NRBF2: variants seen among roughly 807,000 people sequenced by gnomAD.
The protein encoded by NRBF2 is nuclear receptor-binding factor 2.
Under a neutral mutation model 28.5 loss-of-function variants are expected in NRBF2, and 12 were observed. The observed-to-expected ratio is 0.42, with a 90% CI of 0.27 to 0.68. The LOEUF is 0.68. Among genes scored for constraint, NRBF2 ranks in the 30% least tolerant of loss-of-function variants. The pLI is 0.24. For synonymous variants in NRBF2, 102 were observed against 116.5 expected (o/e 0.88, Z 0.80); for missense variants, 274 against 333.5 (o/e 0.82, Z 1.39).
chr10:63,146,410 C>T (rs992928173), intron 2 of NRBF2, 117 bp downstream of exon 2: 3 of 636,174 alleles, frequency 4.7e-6, no homozygotes, highest in Non-Finnish European at 8.0e-6. Flanking sequence ...AGAATATCAG[C>T]TTTGATTATT....
intron 1 of NRBF2, among the ~76,000 whole-genome samples, chr10:63,141,700 CTG>C (rs1589017714): frequency 6.6e-6 from 1 of 152,142 alleles, no homozygotes; most frequent in East Asian, 1.9e-4. Context: ...GATGAGAAAA[CTG>C]AGGCAGATAA....
intron 1 of NRBF2, among the ~76,000 whole-genome samples, chr10:63,139,851 G>A (rs968713357): frequency 3.9e-5 from 6 of 152,118 alleles, no homozygotes; most frequent in African/African-American, 1.2e-4. Flanking sequence ...ATACAACAAT[G>A]TGGGCCTGGT....
intron 2 of NRBF2, among the ~76,000 whole-genome samples, chr10:63,147,611 CT>C (rs56136949): frequency 0.038 from 5,097 of 134,064 alleles, 254 homozygotes; most frequent in East Asian, 0.27. Context: ...TGCTCTCAGC[CT>C]TTTTTTTTTT....
At chr10:63,135,478 A>G (rs1422809852) in intron 1 of NRBF2, among the ~76,000 whole-genome samples, 1 of 152,160 alleles carries the variant, frequency 6.6e-6, no homozygotes, top group Non-Finnish European at 1.5e-5. Flanking sequence ...GAACTGCAGA[A>G]TCACTACCAG....
At chr10:63,148,319 G>C (rs958710206) in intron 2 of NRBF2, among the ~76,000 whole-genome samples, 1 of 152,204 alleles carries the variant, frequency 6.6e-6, no homozygotes, top group Non-Finnish European at 1.5e-5. Context: ...AAATCCCACT[G>C]AGTTGATTGG....
intron 3 of NRBF2, 121 bp downstream of exon 3, chr10:63,152,311 A>G (rs1457344248): frequency 1.4e-6 from 1 of 700,446 alleles, no homozygotes; most frequent in Non-Finnish European, 2.4e-6. Flanking sequence ...AATATATAAA[A>G]TGGGCAAGGG....
At chr10:63,152,663 T>C (rs1171761067) in intron 3 of NRBF2, among the ~76,000 whole-genome samples, 1 of 152,222 alleles carries the variant, frequency 6.6e-6, no homozygotes, top group African/African-American at 2.4e-5. Flanking sequence ...TTAAATTGTC[T>C]TCTGTGTTTG....
Position 63,133,426 on chromosome 10 carries a change from G to C in NRBF2, c.-45G>C, listed in dbSNP as rs755582735. 9.3e-6 allele frequency: 15 copies of C among 1,609,814 alleles called. No individual in the cohort carries two copies. Among genetic ancestry groups the C allele is most frequent in the Non-Finnish European group, 1.3e-5 (15 of 1,178,024 alleles). ...CTTGCAGTCCCCTCCATGTTCCCCGGCGCCACTACTCCCCTTCCTAAGGCC... is the reference window on the plus strand; with the variant it reads ...CTTGCAGTCCCCTCCATGTTCCCCGCCGCCACTACTCCCCTTCCTAAGGCC... On this transcript the variant is annotated 5_prime_UTR_variant, in exon 1 of 4. Coordinates refer to ENST00000277746, the MANE Select transcript of NRBF2 (RefSeq NM_030759.5).
chr10:63,137,868 A>G (rs908136304), intron 1 of NRBF2, among the ~76,000 whole-genome samples: 8 of 152,234 alleles, frequency 5.3e-5, no homozygotes, highest in Non-Finnish European at 1.0e-4. Flanking sequence ...AAAAGGAGGT[A>G]GAGAGTACTA....
intron 1 of NRBF2, among the ~76,000 whole-genome samples, chr10:63,145,365 C>T (rs554866694): frequency 3.1e-4 from 47 of 152,116 alleles, no homozygotes; most frequent in African/African-American, 1.0e-3. Flanking sequence ...TGAGCCACTG[C>T]GCCCAGCTAA....
intron 1 of NRBF2, among the ~76,000 whole-genome samples, chr10:63,140,251 G>T (rs1841442962): frequency 6.6e-6 from 1 of 152,186 alleles, no homozygotes; most frequent in Admixed American, 6.5e-5. Context: ...TGTCAGAAAT[G>T]ATGGGCAACC....
chr10:63,143,232 C>T (rs1432367961), intron 1 of NRBF2, among the ~76,000 whole-genome samples: 2 of 152,084 alleles, frequency 1.3e-5, no homozygotes, highest in African/African-American at 4.8e-5. Context: ...TTCTTTCCTA[C>T]AAAAATAGAA....
At chr10:63,134,100 A>G (rs1422686058) in intron 1 of NRBF2, among the ~76,000 whole-genome samples, 1 of 151,638 alleles carries the variant, frequency 6.6e-6, no homozygotes, top group Non-Finnish European at 1.5e-5. Flanking sequence ...GACAGCTGGG[A>G]AAAAGACAGC....
chr10:63,135,041 G>T (rs962683349), intron 1 of NRBF2, among the ~76,000 whole-genome samples: 1 of 152,188 alleles, frequency 6.6e-6, no homozygotes, highest in African/African-American at 2.4e-5. Context: ...TACAAAAATA[G>T]CCTGGCGTGG....
At position 63,153,551 on chromosome 10, in the gene NRBF2, A is replaced by T; in HGVS notation, c.197A>T (p.Lys66Ile). 1 of 1,611,896 alleles carries T rather than the reference A, an allele frequency of 6.2e-7. No individual in the cohort carries two copies. The highest frequency in any genetic ancestry group is 1.1e-5 in the South Asian group (1 of 90,978). The stretch of plus-strand genomic sequence containing the variant: ...GAATTGCAAAGGGATAGCCATATGA[A>T]ACAGCTCCTCCTCATCCAAGAGAGA... ...SLELQRDSHM[K>I]QLLLIQERWK... The change falls in exon 4 of 4, where the codon AAA becomes ATA. Residue 66 changes from lysine to isoleucine, a missense_variant. By Grantham distance (102) the Lys-to-Ile change is moderately radical. Coordinates refer to ENST00000277746, the MANE Select transcript of NRBF2 (RefSeq NM_030759.5).
intron 3 of NRBF2, among the ~76,000 whole-genome samples, chr10:63,152,505 A>C (rs2132697030): frequency 6.6e-6 from 1 of 152,296 alleles, no homozygotes; most frequent in African/African-American, 2.4e-5. Context: ...TCATTAGCTT[A>C]CAGTCAGTAA....
At chr10:63,152,312 T>C in intron 3 of NRBF2, 122 bp downstream of exon 3, 1 of 694,030 alleles carries the variant, frequency 1.4e-6, no homozygotes, top group Non-Finnish European at 2.5e-6. Context: ...ATATATAAAA[T>C]GGGCAAGGGA....
At position 63,154,927 on chromosome 10, in the gene NRBF2, A is replaced by G. The variant is rs576753158; in HGVS notation, c.*709A>G. ...GTATAATGCATCATTTGAAAATACC[A>G]AGGAGGAAATACCCTTTGTTTTTAA... On this transcript the variant is annotated 3_prime_UTR_variant, in exon 4 of 4. Transcript: ENST00000277746. 6.5e-6 allele frequency: 1 copy of G among 152,748 alleles called. No homozygotes were observed. Among genetic ancestry groups the G allele is most frequent in the Non-Finnish European group, 1.5e-5 (1 of 68,042 alleles). The allele number at this position is 152,748 out of a possible 1,614,324, so 9.5% of individuals were successfully genotyped here.
In NRBF2 at chr10:63,153,881, C is replaced by T; in HGVS notation, c.527C>T (p.Ala176Val). 1.2e-6 allele frequency: 2 copies of T among 1,611,928 alleles called. No individual in the cohort carries two copies. Among genetic ancestry groups the T allele is most frequent in the Non-Finnish European group, 1.7e-6 (2 of 1,179,750 alleles). Residue 176 changes from alanine to valine, a missense_variant, in exon 4 of 4, where the codon GCA (alanine) becomes GTA (valine). Physicochemically the swap from Ala to Val is moderately conservative, Grantham distance 64. Coordinates refer to ENST00000277746, the MANE Select transcript of NRBF2 (RefSeq NM_030759.5). ...ATAGAGGAGCAGGCAACCAAAATTGCAGATTTGAAGAGGCATGTGGAATTC... is the reference window on the plus strand; with the variant it reads ...ATAGAGGAGCAGGCAACCAAAATTGTAGATTTGAAGAGGCATGTGGAATTC... ...TIIEEQATKI[A>V]DLKRHVEFLV...
Sources: allele counts gnomAD v4.1 joint callset (sites outside exome capture counted in the v4.1 genomes callset), GRCh38; gene constraint gnomAD v4.1.1; transcripts MANE v1.5; gene names NCBI Gene and HGNC (gene_info 2026-07-23, HGNC 2026-07-21).